RAB3C: variants seen among roughly 807,000 people sequenced by gnomAD.
RAB3C encodes the protein RAB3C, member RAS oncogene family.
Under a neutral mutation model 26.4 loss-of-function variants are expected in RAB3C, and 17 were observed. The observed-to-expected ratio is 0.64, with a 90% CI of 0.44 to 0.97. The LOEUF (loss-of-function observed/expected upper bound fraction) is 0.97, where lower values mean the gene tolerates loss of function less well. Among genes scored for constraint, RAB3C ranks in the 50% least tolerant of loss-of-function variants. The probability of loss-of-function intolerance (pLI) is 0.00; values close to 1 mark genes in which losing one functional copy is unlikely to be tolerated. For missense variants in RAB3C, 242 were observed against 281.9 expected (o/e 0.86, Z 1.01); for synonymous variants, 91 against 95.9 (o/e 0.95, Z 0.30).
intron 2 of RAB3C, among the ~76,000 whole-genome samples, chr5:58,677,259 C>G (rs1748248786): frequency 6.6e-6 from 1 of 152,094 alleles, no homozygotes; most frequent in South Asian, 2.1e-4. Context: ...TCATAACGAC[C>G]TCACTTCAAA....
At chr5:58,701,145 G>T (rs1833613) in intron 2 of RAB3C, among the ~76,000 whole-genome samples, 54,385 of 151,586 alleles carry the variant, frequency 0.36, 10,147 homozygotes, top group East Asian at 0.42. Context: ...GCAGGCACCC[G>T]CCACCATGCC....
chr5:58,662,338 A>C (rs1044766715), intron 2 of RAB3C, among the ~76,000 whole-genome samples: 1 of 150,212 alleles, frequency 6.7e-6, no homozygotes, highest in African/African-American at 2.5e-5. Flanking sequence ...ATGATTGTAG[A>C]GTTTTCTTCA....
chr5:58,755,566 G>A (rs916184374), intron 3 of RAB3C, among the ~76,000 whole-genome samples: 2 of 152,176 alleles, frequency 1.3e-5, no homozygotes, highest in East Asian at 3.8e-4. Flanking sequence ...GGCAGGACCA[G>A]GCAAGGGTGG....
chr5:58,672,382 C>A (rs1255316597), intron 2 of RAB3C, among the ~76,000 whole-genome samples: 2 of 152,186 alleles, frequency 1.3e-5, no homozygotes, highest in African/African-American at 4.8e-5. Flanking sequence ...GAATACACAA[C>A]AGTTTAGTCA....
At chr5:58,828,029 G>T (rs1172318239) in intron 4 of RAB3C, among the ~76,000 whole-genome samples, 2 of 152,134 alleles carry the variant, frequency 1.3e-5, no homozygotes, top group Non-Finnish European at 2.9e-5. Flanking sequence ...ATTCTCCATT[G>T]TGGATTGTTT....
intron 2 of RAB3C, among the ~76,000 whole-genome samples, chr5:58,687,810 C>T (rs1225527785): frequency 3.3e-5 from 5 of 152,054 alleles, no homozygotes; most frequent in Non-Finnish European, 7.4e-5. Flanking sequence ...TTTAGATACA[C>T]TAGTATCCTT....
Position 58,854,365 on chromosome 5 carries a change from G to C in RAB3C, c.*3014G>C, listed in dbSNP as rs766601459. On this transcript the variant is annotated 3_prime_UTR_variant, in exon 5 of 5. Coordinates refer to ENST00000282878, the MANE Select transcript of RAB3C (RefSeq NM_138453.4). ...GATTCTTCCAAGAGCTTTGGTGTTG[G>C]TACCTTCCTTTCTTTTCCTAATGCA... 2.0e-5 allele frequency: 3 copies of C among 152,034 alleles called. No homozygotes were observed. The highest frequency in any genetic ancestry group is 4.4e-5 in the Non-Finnish European group (3 of 68,014). 9.4% of individuals were successfully genotyped at this position (152,034 alleles called of 1,614,324 possible). A position where few individuals can be genotyped will look rare whatever the true frequency, so the allele number is the denominator to read the frequency against.
chr5:58,717,663 C>G (rs1458158247), intron 2 of RAB3C, among the ~76,000 whole-genome samples: 1 of 152,094 alleles, frequency 6.6e-6, no homozygotes, highest in Non-Finnish European at 1.5e-5. Flanking sequence ...AGACAGCTCT[C>G]TTGGAGATGG....
intron 3 of RAB3C, among the ~76,000 whole-genome samples, chr5:58,805,406 G>A (rs753667098): frequency 3.9e-5 from 6 of 151,992 alleles, no homozygotes; most frequent in Non-Finnish European, 7.4e-5. Context: ...CCAACATGAT[G>A]AAACCTCATC....
intron 4 of RAB3C, 100 bp downstream of exon 4, chr5:58,825,262 T>A: frequency 7.9e-7 from 1 of 1,260,258 alleles, no homozygotes; most frequent in Non-Finnish European, 1.0e-6. Flanking sequence ...GTTAATGAAA[T>A]GTTTGTCAAT....
chr5:58,642,754 A>G (rs1346125277), intron 2 of RAB3C, among the ~76,000 whole-genome samples: 1 of 152,240 alleles, frequency 6.6e-6, no homozygotes, highest in Non-Finnish European at 1.5e-5. Flanking sequence ...CTTCCTCCCT[A>G]GAGAACTCAC....
At chr5:58,747,439 G>A (rs7716402) in intron 3 of RAB3C, among the ~76,000 whole-genome samples, 2,774 of 152,212 alleles carry the variant, frequency 0.018, 65 homozygotes, top group African/African-American at 0.062. Context: ...GAGAATAGTA[G>A]AACATTTGTG....
intron 3 of RAB3C, among the ~76,000 whole-genome samples, chr5:58,819,457 T>G (rs1316557355): frequency 6.6e-6 from 1 of 152,236 alleles, no homozygotes; most frequent in East Asian, 1.9e-4. Flanking sequence ...CTTCCTCATC[T>G]CTAAGTTTTC....
At chr5:58,630,105 C>T (rs1483933840) in intron 2 of RAB3C, among the ~76,000 whole-genome samples, 1 of 152,164 alleles carries the variant, frequency 6.6e-6, no homozygotes, top group Non-Finnish European at 1.5e-5. Context: ...AGAGAGATAG[C>T]ACAAGAAAAA....
intron 3 of RAB3C, among the ~76,000 whole-genome samples, chr5:58,786,149 GA>G (rs1422097170): frequency 6.6e-6 from 1 of 152,202 alleles, no homozygotes; most frequent in Non-Finnish European, 1.5e-5. Context: ...GCAGCAATAG[GA>G]AAGTAATACA....
Position 58,612,530 on chromosome 5 carries a change from A to ATATATATATATGTG in RAB3C, c.25-5102_25-5101insGTGTATATATATAT, listed in dbSNP as rs1171172323. ...TGTGTGTGTGTGTGTGTATATATAT[A>ATATATATATATGTG]TATATATATATATATATGTATATAT... is the stretch of plus-strand genomic sequence containing the variant. On this transcript the variant is annotated intron_variant, in intron 1 of 4. Transcript: ENST00000282878. Among the ~76,000 whole-genome samples, 328 of 69,344 alleles carry ATATATATATATGTG rather than the reference A, an allele frequency of 4.7e-3. 2 individuals carry two copies. Among genetic ancestry groups the ATATATATATATGTG allele is most frequent in the African/African-American group, 0.013 (306 of 22,914 alleles). The allele number at this position is 69,344 out of a possible 152,430, so 45.5% of individuals were successfully genotyped here. A position where few individuals can be genotyped will look rare whatever the true frequency, so the allele number is the denominator to read the frequency against.
intron 2 of RAB3C, among the ~76,000 whole-genome samples, chr5:58,641,234 G>A (rs769838002): frequency 2.6e-5 from 4 of 152,112 alleles, no homozygotes; most frequent in Non-Finnish European, 4.4e-5. Flanking sequence ...AATAGAATGC[G>A]TAGAGTCTCT....
At chr5:58,627,471 TAAAAA>T (rs58104232) in intron 2 of RAB3C, among the ~76,000 whole-genome samples, 3 of 68,442 alleles carry the variant, frequency 4.4e-5, no homozygotes, top group Non-Finnish European at 9.6e-5. Context: ...GACTCCGTCT[TAAAAA>T]AAAAAAAAAA....
Position 58,647,989 on chromosome 5 carries a change from T to C in RAB3C, c.252+30119T>C, listed in dbSNP as rs546617458. On this transcript the variant is annotated intron_variant, in intron 2 of 4. Transcript: ENST00000282878. ...AAAATGTGACATAGTATAGGGAATA[T>C]AATATCATTTTTAGATTATAAAAAC... Among the ~76,000 whole-genome samples the C allele has an allele frequency of 2.0e-5, 3 of 152,324 alleles. No homozygotes were observed. In the East Asian group the frequency reaches 5.8e-4, roughly 29 times the overall value.
Sources: allele counts gnomAD v4.1 joint callset (sites outside exome capture counted in the v4.1 genomes callset), GRCh38; gene constraint gnomAD v4.1.1; transcripts MANE v1.5; gene names NCBI Gene and HGNC (gene_info 2026-07-23, HGNC 2026-07-21).